MTMR4: variants seen among roughly 807,000 people sequenced by gnomAD.
MTMR4 encodes phosphatidylinositol-3,5-bisphosphate 3-phosphatase MTMR4.
A neutral mutation model predicts 125.5 loss-of-function variants in MTMR4; 30 were observed. The observed-to-expected ratio is 0.24, with a 90% CI of 0.18 to 0.32. The LOEUF (loss-of-function observed/expected upper bound fraction) is 0.32. MTMR4 is among the 10% of genes least tolerant of loss of function. The pLI, the probability that MTMR4 is intolerant of heterozygous loss-of-function variation, is 1.00. For synonymous variants in MTMR4, 498 were observed against 564.5 expected, an observed-to-expected ratio of 0.88 and a Z score of 1.67; for missense variants, 1,039 against 1,511.5, an observed-to-expected ratio of 0.69 and a Z score of 5.18.
At chr17:58,499,044 T>C (rs1320582418) in intron 14 of MTMR4, among the ~76,000 whole-genome samples, 1 of 152,152 alleles carries the variant, frequency 6.6e-6, no homozygotes, top group East Asian at 1.9e-4. Context: ...TACTCACTGA[T>C]TAGTTCTCCA....
chr17:58,506,840 C>T lies in MTMR4; in HGVS notation c.936G>A (p.Glu312=). The change falls in exon 9 of 18, where the codon GAG becomes GAA. Residue 312 remains glutamate (E), a synonymous_variant. Coordinates refer to ENST00000682306, the MANE Select transcript of MTMR4 (RefSeq NM_001378067.1). Reference sequence around the variant, plus strand: ...GCAGCTTTTGAGGAGCTGCTGTGCTCTCCACTCCAGAGCACGCAGTCAGAG... The same window carrying T: ...GCAGCTTTTGAGGAGCTGCTGTGCTTTCCACTCCAGAGCACGCAGTCAGAG... ...DSSLTACSGV[E]STAAPQKLLI... is the part of the protein sequence containing the mutation. 1 of 1,613,442 alleles carries T rather than the reference C, an allele frequency of 6.2e-7. No homozygotes were observed. The highest frequency in any genetic ancestry group is 8.5e-7 in the Non-Finnish European group (1 of 1,179,910).
At chr17:58,491,868 C>A (rs1598209253) in intron 17 of MTMR4, 28 bp from the exon 18 acceptor site, 1 of 1,604,086 alleles carries the variant, frequency 6.2e-7, no homozygotes. Context: ...GGGAAGAGTT[C>A]ATCAGAAATG....
chr17:58,501,414 G>C (rs1975625067), intron 14 of MTMR4, among the ~76,000 whole-genome samples: 2 of 152,016 alleles, frequency 1.3e-5, no homozygotes, highest in Non-Finnish European at 2.9e-5. Context: ...GATTACCTGA[G>C]GTCAGGAGTT....
chr17:58,514,651 G>C (rs1598230333), upstream of MTMR4: 1 of 985,224 alleles, frequency 1.0e-6, no homozygotes, highest in African/African-American at 1.7e-5. Flanking sequence ...CCAGGCGAGG[G>C]GAGAGCCCGG....
chr17:58,496,190 G>A lies in MTMR4; in HGVS notation c.1994C>T (p.Pro665Leu). Residue 665 changes from proline (P) to leucine (L), a missense_variant, in exon 15 of 18, where the codon CCT becomes CTT. Physicochemically the swap from Pro to Leu is moderately conservative, Grantham distance 98. This residue lies in a region of MTMR4 where 619 missense variants were observed against 714.5 expected (regional missense o/e 0.87). Transcript: ENST00000682306. ...RVGLEPWHSN[P>L]EGSETSFVDS... ...CACAAAGCTTGTCTCTGATCCCTCA[G>A]GATTGCTGTGCCAGGGCTCCAGGCC... 6.2e-7 allele frequency: 1 copy of A among 1,614,194 alleles called. No individual in the cohort carries two copies.
At chr17:58,493,045 C>A in intron 15 of MTMR4, 93 bp from the exon 16 acceptor site, 1 of 897,136 alleles carries the variant, frequency 1.1e-6, no homozygotes, top group South Asian at 1.4e-5. Flanking sequence ...GCATTACACA[C>A]ATGAACTTAT....
Position 58,495,007 on chromosome 17 carries a change from C to T in MTMR4, c.3177G>A (p.Glu1059=), listed in dbSNP as rs139622896. Residue 1059 remains glutamate, a synonymous_variant, in exon 15 of 18, where the codon GAG becomes GAA. Coordinates refer to ENST00000682306, the MANE Select transcript of MTMR4 (RefSeq NM_001378067.1). ...GACGGATGTCCAGCCTCATCTGAAG[C>T]TCACGCACCTGTCGACGTAGCTGCT... The part of the protein sequence containing the change: ...EVEQLRRQVR[E]LQMRLDIRHC... 3.1e-6 allele frequency: 5 copies of T among 1,614,108 alleles called. No individual in the cohort carries two copies. The highest frequency in any genetic ancestry group is 1.7e-5 in the Admixed American group (1 of 60,006).
In MTMR4 at chr17:58,505,571, T is replaced by G; in HGVS notation, c.1046A>C (p.Asn349Thr). 6.2e-7 allele frequency: 1 copy of G among 1,610,358 alleles called. No individual in the cohort carries two copies. Among genetic ancestry groups the G allele is most frequent in the Non-Finnish European group, 8.5e-7 (1 of 1,177,680 alleles). ...GGCECEEYYP[N>T]CEVVFMGMAN... ...CATTCCCATGAACACGACCTCACAG[T>G]TGGGATAGTACTCTGTAGACATGAC... The change falls in exon 10 of 18, where the codon AAC (asparagine) becomes ACC (threonine). Residue 349 changes from asparagine (N) to threonine (T), a missense_variant. Asn to Thr is a moderately conservative substitution (Grantham distance 65). This residue lies in a region of MTMR4 where 107 missense variants were observed against 267.4 expected (regional missense o/e 0.40). Coordinates refer to ENST00000682306, the MANE Select transcript of MTMR4 (RefSeq NM_001378067.1).
At chr17:58,513,463 C>T (rs544095000) in intron 1 of MTMR4, among the ~76,000 whole-genome samples, 1 of 152,116 alleles carries the variant, frequency 6.6e-6, no homozygotes, top group East Asian at 1.9e-4. Flanking sequence ...GGGCCTTCAC[C>T]GACGCTTTCA....
Position 58,505,527 on chromosome 17 carries a change from G to A in MTMR4, c.1090C>T (p.Arg364Trp), listed in dbSNP as rs147732005. The A allele has an allele frequency of 1.2e-6, 2 of 1,612,948 alleles. No individual in the cohort carries two copies. Among genetic ancestry groups the A allele is most frequent in the African/African-American group, 1.3e-5 (1 of 74,882 alleles). ...GCCCGGAGGTACTGAAAGCTGTTCCGGATGGCATGGATGTTGGCCATTCCC... is the reference window on the plus strand; with the variant it reads ...GCCCGGAGGTACTGAAAGCTGTTCCAGATGGCATGGATGTTGGCCATTCCC... ...FMGMANIHAI[R>W]NSFQYLRAVC... The change falls in exon 10 of 18, where the codon CGG (arginine) becomes TGG (tryptophan). Residue 364 changes from arginine (R) to tryptophan (W), a missense_variant. Arg to Trp is a moderately radical substitution (Grantham distance 101). Transcript: ENST00000682306.
Position 58,495,310 on chromosome 17 carries a change from G to A in MTMR4, c.2874C>T (p.Ala958=). ...SKRPNSKQMR[A]TGPCFGGQWA... is the part of the protein sequence containing the mutation. ...ACTGGCCCCCAAAGCAGGGCCCTGT[G>A]GCCCGCATCTGCTTACTGTTTGGCC... Residue 958 remains alanine (A), a synonymous_variant, in exon 15 of 18, where the codon GCC becomes GCT. Coordinates refer to ENST00000682306, the MANE Select transcript of MTMR4 (RefSeq NM_001378067.1). 6.2e-7 allele frequency: 1 copy of A among 1,614,208 alleles called. No individual in the cohort carries two copies.
At chr17:58,494,896 T>C (rs766817805) in intron 15 of MTMR4, 36 bp downstream of exon 15, 19 of 1,578,580 alleles carry the variant, frequency 1.2e-5, no homozygotes, top group Non-Finnish European at 1.6e-5. Flanking sequence ...ATGAACAGAG[T>C]AAATAATGGG....
Position 58,495,788 on chromosome 17 carries a change from G to T in MTMR4, c.2396C>A (p.Ser799Tyr). The change falls in exon 15 of 18, where the codon TCT becomes TAT. Residue 799 changes from serine (S) to tyrosine (Y), a missense_variant. Around this residue, in one of 6 missense-constraint regions of MTMR4, gnomAD observed 619 missense variants for 714.5 expected, o/e 0.87. Transcript: ENST00000682306. ...GGCCTGTTGGGGCGTACCTGTAGGA[G>T]AGTTCTGGGAAGACTCAGGAAAATT... ...VCNFPESSQN[S>Y]PTGTPQQAQP... 6.2e-7 allele frequency: 1 copy of T among 1,614,164 alleles called. No individual in the cohort carries two copies.
intron 14 of MTMR4, among the ~76,000 whole-genome samples, chr17:58,498,486 T>A (rs1421512932): frequency 7.7e-6 from 1 of 129,118 alleles, no homozygotes; most frequent in Non-Finnish European, 1.6e-5. Context: ...ATGACTTTAA[T>A]GGAAGAAGAA....
chr17:58,507,946 C>T, intron 7 of MTMR4: 1 of 487,570 alleles, frequency 2.1e-6, no homozygotes, highest in East Asian at 4.0e-5. Flanking sequence ...CACACACACA[C>T]ACACACACTC....
chr17:58,518,198 A>C (rs1398916270), upstream of MTMR4, among the ~76,000 whole-genome samples: 2 of 152,192 alleles, frequency 1.3e-5, no homozygotes, highest in Non-Finnish European at 2.9e-5. Context: ...GCTGCTGGCC[A>C]CTGCTCTGGG....
rs199611166 is a variant in MTMR4 at position 58,495,880 on chromosome 17, A to G, written c.2304T>C (p.His768=). The G allele has an allele frequency of 6.2e-6, 10 of 1,614,084 alleles. No homozygotes were observed. The East Asian group carries it at 1.6e-4, about 25-fold the overall frequency. ...CACTGACAGCTTCTGTTTCAGGACA[A>G]TGTTCAGGTGGCTCCCCTATGCCAT... is the stretch of plus-strand genomic sequence containing the variant. ...TLDGIGEPPE[H]CPETEAVSAL... Residue 768 remains histidine (H), a synonymous_variant, in exon 15 of 18, where the codon CAT becomes CAC. Transcript: ENST00000682306.
At chr17:58,511,945 G>A (rs1392310462) in intron 3 of MTMR4, among the ~76,000 whole-genome samples, 1 of 152,058 alleles carries the variant, frequency 6.6e-6, no homozygotes, top group Non-Finnish European at 1.5e-5. Flanking sequence ...AATGAGGCAG[G>A]AAAACATGAG....
intron 14 of MTMR4, among the ~76,000 whole-genome samples, chr17:58,501,393 T>C (rs1428401733): frequency 6.6e-6 from 1 of 151,970 alleles, no homozygotes; most frequent in East Asian, 1.9e-4. Flanking sequence ...CCTGGGAGGC[T>C]GAAACAGAAG....
Sources: gnomAD v4.1 joint callset for allele counts (sites outside exome capture counted in the v4.1 genomes callset) on GRCh38, gnomAD v4.1.1 for gene constraint, gnomAD v4.1.1 regional missense constraint, MANE v1.5 for transcripts, NCBI Gene and HGNC (gene_info 2026-07-23, HGNC 2026-07-21) for gene names.